Variants in AGBL4 observed in about 807,000 individuals in gnomAD.
AGBL4 encodes cytosolic carboxypeptidase 6.
Under a neutral mutation model 66.4 loss-of-function variants are expected in AGBL4, and 58 were observed. That is an observed-to-expected ratio of 0.87 (90% CI 0.71 to 1.09). AGBL4 has a LOEUF of 1.09. AGBL4 is among the 50% of genes least tolerant of loss of function. The probability of loss-of-function intolerance (pLI) is 0.00; values close to 1 mark genes in which losing one functional copy is unlikely to be tolerated. For missense variants in AGBL4, 579 were observed against 631.0 expected (o/e 0.92, Z 0.88); for synonymous variants, 234 against 222.9 (o/e 1.05, Z -0.44).
chr1:49,982,878 T>C (rs921065932), intron 1 of AGBL4, among the ~76,000 whole-genome samples: 25 of 151,836 alleles, frequency 1.6e-4, no homozygotes, highest in African/African-American at 6.0e-4. Flanking sequence ...CTTCTGAGAG[T>C]TGAGAGACAT....
At chr1:49,010,844 T>A (rs1444512988) in intron 5 of AGBL4, among the ~76,000 whole-genome samples, 3 of 151,630 alleles carry the variant, frequency 2.0e-5, no homozygotes, top group Non-Finnish European at 4.4e-5. Flanking sequence ...AAGCTGAAAC[T>A]GGATCCCTTC....
intron 3 of AGBL4, among the ~76,000 whole-genome samples, chr1:49,541,103 T>C (rs892500745): frequency 6.6e-6 from 1 of 152,192 alleles, no homozygotes; most frequent in Non-Finnish European, 1.5e-5. Flanking sequence ...TTACAGACTA[T>C]AGAGTTTACA....
intron 3 of AGBL4, among the ~76,000 whole-genome samples, chr1:49,366,723 G>A (rs1644248414): frequency 6.6e-6 from 1 of 152,138 alleles, no homozygotes; most frequent in Admixed American, 6.6e-5. Context: ...TGAAACATTA[G>A]ACACCTATAT....
intron 1 of AGBL4, among the ~76,000 whole-genome samples, chr1:49,891,326 A>G (rs994367490): frequency 6.6e-6 from 1 of 152,176 alleles, no homozygotes; most frequent in African/African-American, 2.4e-5. Context: ...GAAGATGTGT[A>G]AGGAAAGTTC....
intron 3 of AGBL4, among the ~76,000 whole-genome samples, chr1:49,510,751 G>T (rs575149595): frequency 2.0e-5 from 3 of 151,326 alleles, no homozygotes; most frequent in Non-Finnish European, 4.4e-5. Context: ...AACTTGAATT[G>T]ATTTTTGTAT....
chr1:49,342,976 G>C (rs1276810646), intron 3 of AGBL4, among the ~76,000 whole-genome samples: 3 of 152,154 alleles, frequency 2.0e-5, no homozygotes, highest in Non-Finnish European at 4.4e-5. Flanking sequence ...GTCCTGACTG[G>C]AGTCTGGTAA....
chr1:48,615,774 C>G (rs970872442), intron 9 of AGBL4, among the ~76,000 whole-genome samples: 20 of 152,150 alleles, frequency 1.3e-4, no homozygotes, highest in African/African-American at 4.6e-4. Context: ...TTTGTTTGTG[C>G]TGCTATGATA....
chr1:49,177,091 G>A (rs1442090798), intron 4 of AGBL4, among the ~76,000 whole-genome samples: 1 of 151,960 alleles, frequency 6.6e-6, no homozygotes, highest in Non-Finnish European at 1.5e-5. Context: ...ATTATATCTT[G>A]TGAAGACACA....
intron 2 of AGBL4, among the ~76,000 whole-genome samples, chr1:49,732,400 A>G (rs989973070): frequency 6.6e-6 from 1 of 152,248 alleles, no homozygotes; most frequent in Non-Finnish European, 1.5e-5. Flanking sequence ...AATTTAAAAG[A>G]CAAGCAAAGA....
At chr1:49,743,788 C>T (rs886606902) in intron 2 of AGBL4, among the ~76,000 whole-genome samples, 7 of 151,506 alleles carry the variant, frequency 4.6e-5, no homozygotes, top group Middle Eastern at 3.4e-3. Flanking sequence ...TCATTCTCAG[C>T]GAACTATCGC....
intron 3 of AGBL4, among the ~76,000 whole-genome samples, chr1:49,411,336 G>A (rs1274569246): frequency 6.6e-6 from 1 of 152,154 alleles, no homozygotes. Context: ...TGCCTACTTT[G>A]TTCTAGGCAC....
Position 48,795,296 on chromosome 1 carries a change from C to A in AGBL4, c.634+71895G>T, listed in dbSNP as rs141788794. On this transcript the variant is annotated intron_variant, in intron 6 of 13. Coordinates refer to ENST00000371839, the MANE Select transcript of AGBL4 (RefSeq NM_032785.4). ...TTTTAATCCTATACAATCTCTACCC[C>A]CTACCAACTCTCTGGGCTCAACTCA... 5.3e-3 allele frequency among the ~76,000 whole-genome samples: 805 copies of A among 152,266 alleles called. 5 individuals are homozygous for A. Among genetic ancestry groups the A allele is most frequent in the Admixed American group, 8.2e-3 (125 of 15,280 alleles).
At chr1:49,710,612 T>C (rs1328746564) in intron 2 of AGBL4, among the ~76,000 whole-genome samples, 1 of 151,540 alleles carries the variant, frequency 6.6e-6, no homozygotes, top group Non-Finnish European at 1.5e-5. Context: ...GAATAAATAA[T>C]TTAAAATTTT....
intron 5 of AGBL4, among the ~76,000 whole-genome samples, chr1:48,977,397 C>T (rs984742580): frequency 1.2e-4 from 18 of 152,028 alleles, no homozygotes; most frequent in Admixed American, 9.8e-4. Context: ...GTTGGGAAAC[C>T]GAAAGTTTGG....
intron 1 of AGBL4, among the ~76,000 whole-genome samples, chr1:50,015,674 C>T (rs984175738): frequency 1.3e-4 from 20 of 151,848 alleles, no homozygotes; most frequent in Non-Finnish European, 2.4e-4. Flanking sequence ...AATAAATATA[C>T]CCAAAGCAAT....
At chr1:48,549,760 G>A (rs1390528782) in intron 11 of AGBL4, among the ~76,000 whole-genome samples, 1 of 151,886 alleles carries the variant, frequency 6.6e-6, no homozygotes, top group Non-Finnish European at 1.5e-5. Flanking sequence ...GAAAAGGAAA[G>A]AATCAAACTG....
chr1:49,207,562 C>CTTTCTTTCTTTCTTTCTTTCTTTCT, intron 4 of AGBL4, among the ~76,000 whole-genome samples: 1 of 108,868 alleles, frequency 9.2e-6, no homozygotes, highest in East Asian at 2.6e-4. Flanking sequence ...TTCTTTCTTT[C>CTTTCTTTCTTTCTTTCTTTCTTTCT]TTTCTTTCTT....
intron 2 of AGBL4, among the ~76,000 whole-genome samples, chr1:49,725,021 G>A (rs1184451029): frequency 1.3e-5 from 2 of 152,008 alleles, no homozygotes; most frequent in Non-Finnish European, 2.9e-5. Context: ...GAAGAAAAGG[G>A]AAGGGATGGG....
At chr1:49,096,208 T>C (rs1179907298) in intron 4 of AGBL4, among the ~76,000 whole-genome samples, 77 of 152,032 alleles carry the variant, frequency 5.1e-4, no homozygotes, top group African/African-American at 1.8e-3. Flanking sequence ...GGAGAAGATG[T>C]GGAGAAATAG....
Sources: gnomAD v4.1 joint callset for allele counts (sites outside exome capture counted in the v4.1 genomes callset) on GRCh38, gnomAD v4.1.1 for gene constraint, MANE v1.5 for transcripts, NCBI Gene and HGNC (gene_info 2026-07-23, HGNC 2026-07-21) for gene names.